Variants in XYLB observed in about 807,000 individuals in gnomAD.
XYLB encodes xylulose kinase.
In XYLB, 62 loss-of-function variants were observed where a neutral mutation model predicts 78.7. That is an observed-to-expected ratio of 0.79 (90% confidence interval 0.64 to 0.97). XYLB has a LOEUF of 0.97. Ranked by LOEUF, XYLB falls within the 50% of genes least tolerant of loss-of-function variation. XYLB has a pLI of 0.00. For synonymous variants in XYLB, 245 were observed against 247.4 expected (o/e 0.99, Z 0.09); for missense variants, 687 against 676.8 (o/e 1.02, Z -0.17).
At chr3:38,378,975 A>C (rs1212978461) in intron 14 of XYLB, among the ~76,000 whole-genome samples, 1 of 151,910 alleles carries the variant, frequency 6.6e-6, no homozygotes, top group Non-Finnish European at 1.5e-5. Flanking sequence ...TGAATGGTAG[A>C]CAGAACTTGA....
the XYLB span, among the ~76,000 whole-genome samples, chr3:38,439,317 C>CGATG: frequency 6.6e-6 from 1 of 152,154 alleles, no homozygotes; most frequent in East Asian, 1.9e-4. Flanking sequence ...ATTTGTAAGG[C>CGATG]CATCTGTAGC....
intron 12 of XYLB, 105 bp downstream of exon 12, chr3:38,375,364 T>C (rs928034721): frequency 1.0e-6 from 1 of 972,992 alleles, no homozygotes. Context: ...CTGGAATGAC[T>C]CCCTCCACTT....
the XYLB span, among the ~76,000 whole-genome samples, chr3:38,445,147 A>G: frequency 2.0e-5 from 3 of 152,080 alleles, no homozygotes; most frequent in Non-Finnish European, 2.9e-5. Flanking sequence ...GGAGGGCCAT[A>G]CCCTGAGGGA....
chr3:38,375,288 C>T, intron 12 of XYLB, 29 bp downstream of exon 12: 1 of 1,598,546 alleles, frequency 6.3e-7, no homozygotes, highest in South Asian at 1.1e-5. Context: ...TGGCACCATT[C>T]CCTGGGTGAG....
At chr3:38,365,813 G>A in intron 6 of XYLB, 77 bp downstream of exon 6, 4 of 1,498,672 alleles carry the variant, frequency 2.7e-6, no homozygotes, top group Non-Finnish European at 3.6e-6. Flanking sequence ...CCTGCCTCTG[G>A]GGGGATCACA....
chr3:38,424,502 G>A (rs1380088998), downstream of XYLB, among the ~76,000 whole-genome samples: 2 of 152,118 alleles, frequency 1.3e-5, no homozygotes, highest in Non-Finnish European at 2.9e-5. Context: ...TTAACTAATT[G>A]GATTCTCCCT....
downstream of XYLB, among the ~76,000 whole-genome samples, chr3:38,415,240 C>A (rs1429693250): frequency 6.6e-6 from 1 of 152,218 alleles, no homozygotes; most frequent in Non-Finnish European, 1.5e-5. Context: ...TTTCATATTT[C>A]ACCAAGCTGT....
intron 10 of XYLB, 118 bp from the exon 11 acceptor site, chr3:38,374,344 C>G: frequency 6.8e-7 from 1 of 1,464,558 alleles, no homozygotes; most frequent in Non-Finnish European, 9.5e-7. Context: ...TGCCTCCACC[C>G]TAGGGTGTGG....
chr3:38,390,174 T>C (rs968631109), intron 15 of XYLB, among the ~76,000 whole-genome samples: 1 of 152,164 alleles, frequency 6.6e-6, no homozygotes, highest in African/African-American at 2.4e-5. Context: ...TATATGTCTT[T>C]TATTAGATTA....
intron 7 of XYLB, among the ~76,000 whole-genome samples, chr3:38,367,594 G>A (rs1481698638): frequency 5.9e-5 from 9 of 152,200 alleles, no homozygotes; most frequent in Non-Finnish European, 4.4e-5. Context: ...TGTGTGGAAC[G>A]AAGTTTGCCT....
At chr3:38,354,778 ACAGGCGTGAGCCACC>A (rs1705558055) in intron 2 of XYLB, among the ~76,000 whole-genome samples, 5 of 152,334 alleles carry the variant, frequency 3.3e-5, no homozygotes, top group Admixed American at 3.3e-4. Context: ...TGCTGGGATT[ACAGGCGTGAGCCACC>A]ACACCCAGCC....
intron 15 of XYLB, among the ~76,000 whole-genome samples, chr3:38,382,864 G>C (rs1707215960): frequency 6.6e-6 from 1 of 152,228 alleles, no homozygotes; most frequent in South Asian, 2.1e-4. Context: ...CTCTTAGCAA[G>C]CTTAAATGCA....
the XYLB span, among the ~76,000 whole-genome samples, chr3:38,433,629 T>C: frequency 6.6e-6 from 1 of 152,234 alleles, no homozygotes; most frequent in African/African-American, 2.4e-5. Context: ...GTCTCTTTGC[T>C]AAAGCATAGC....
chr3:38,354,426 G>A (rs1705534073), intron 2 of XYLB, among the ~76,000 whole-genome samples: 1 of 151,404 alleles, frequency 6.6e-6, no homozygotes, highest in African/African-American at 2.4e-5. Context: ...TTTTTCCAGA[G>A]TTTCCATGGC....
intron 1 of XYLB, among the ~76,000 whole-genome samples, chr3:38,348,308 T>C (rs947211200): frequency 6.6e-6 from 1 of 152,222 alleles, no homozygotes; most frequent in Non-Finnish European, 1.5e-5. Flanking sequence ...GGAACAAAGA[T>C]TCCTTGAGAC....
intron 9 of XYLB, 88 bp from the exon 10 acceptor site, chr3:38,372,567 C>G: frequency 6.2e-7 from 1 of 1,602,962 alleles, no homozygotes; most frequent in Non-Finnish European, 8.5e-7. Flanking sequence ...GAGACTGTAG[C>G]GTTTTCGTGG....
chr3:38,356,549 G>A (rs1487967324), intron 2 of XYLB: 1 of 152,156 alleles, frequency 6.6e-6, no homozygotes, highest in Non-Finnish European at 1.5e-5. Flanking sequence ...ATATGTGACA[G>A]CCTTCTTTTA....
intron 2 of XYLB, chr3:38,355,957 A>G: frequency 1.7e-6 from 1 of 596,976 alleles, no homozygotes; most frequent in Non-Finnish European, 3.0e-6. Context: ...CTTTTTTTAA[A>G]GAAAATACTG....
chr3:38,412,572 T>C (rs1365198763), intron 18 of XYLB, among the ~76,000 whole-genome samples: 1 of 152,192 alleles, frequency 6.6e-6, no homozygotes, highest in Non-Finnish European at 1.5e-5. Context: ...CTGGGTCCCA[T>C]ACTATGGGCT....
Sources: allele counts gnomAD v4.1 joint callset (sites outside exome capture counted in the v4.1 genomes callset), GRCh38; gene constraint gnomAD v4.1.1; transcripts MANE v1.5; gene names NCBI Gene and HGNC (gene_info 2026-07-23, HGNC 2026-07-21).